WDR19: variants seen among roughly 807,000 people sequenced by gnomAD.
WDR19 encodes the protein WD repeat-containing protein 19.
Under a neutral mutation model 180.0 loss-of-function variants are expected in WDR19, and 121 were observed. The ratio of observed to expected loss-of-function variants is 0.67; its 90% CI spans 0.58 to 0.78. WDR19 has a LOEUF of 0.78. WDR19 is among the 30% of genes least tolerant of loss of function. WDR19 has a pLI of 0.00. For missense variants in WDR19, 1,450 were observed against 1,640.7 expected (o/e 0.88, Z 2.01); for synonymous variants, 497 against 540.7 (o/e 0.92, Z 1.12).
chr4:39,236,686 G>A (rs957449446), intron 20 of WDR19, among the ~76,000 whole-genome samples: 25 of 152,202 alleles, frequency 1.6e-4, no homozygotes, highest in African/African-American at 6.0e-4. Context: ...GACAATTGCT[G>A]TTGCAATTCA....
chr4:39,188,907 G>T (rs112813839), intron 3 of WDR19, among the ~76,000 whole-genome samples: 1 of 151,432 alleles, frequency 6.6e-6, no homozygotes, highest in African/African-American at 2.4e-5. Context: ...ATGCCACCAC[G>T]CCCAGCTCAT....
chr4:39,254,826 T>C (rs1426503972), intron 26 of WDR19, among the ~76,000 whole-genome samples: 1 of 152,196 alleles, frequency 6.6e-6, no homozygotes, highest in Non-Finnish European at 1.5e-5. Flanking sequence ...TTTTACTTTC[T>C]GTATCTGTGA....
At chr4:39,211,979 G>GAT (rs1469470138) in intron 9 of WDR19, among the ~76,000 whole-genome samples, 5 of 94,200 alleles carry the variant, frequency 5.3e-5, no homozygotes, top group African/African-American at 1.4e-4. Flanking sequence ...GAGAGAGAGA[G>GAT]AGAGAGATAG....
At chr4:39,275,136 T>G (rs185919523) in intron 33 of WDR19, 178 bp downstream of exon 33, 15 of 766,498 alleles carry the variant, frequency 2.0e-5, no homozygotes, top group Non-Finnish European at 2.8e-5. Context: ...GGTCAGTAGT[T>G]CAAGACCAGC....
chr4:39,207,733 A>G (rs983690418), intron 9 of WDR19, among the ~76,000 whole-genome samples: 5 of 152,342 alleles, frequency 3.3e-5, no homozygotes, highest in Admixed American at 2.0e-4. Context: ...CTCTAAAAGA[A>G]CTGCTGAAGG....
intron 17 of WDR19, among the ~76,000 whole-genome samples, chr4:39,230,203 C>T (rs1730693972): frequency 6.6e-6 from 1 of 152,192 alleles, no homozygotes. Flanking sequence ...CAACTGTCTC[C>T]ACTCAAGTCC....
intron 24 of WDR19, among the ~76,000 whole-genome samples, chr4:39,252,301 T>C (rs1733296178): frequency 7.4e-6 from 1 of 135,024 alleles, no homozygotes; most frequent in Non-Finnish European, 1.5e-5. Context: ...AGGTGGGAGT[T>C]GAACAATGAG....
chr4:39,225,327 A>C (rs1392932883), intron 15 of WDR19, among the ~76,000 whole-genome samples: 1 of 152,184 alleles, frequency 6.6e-6, no homozygotes, highest in Admixed American at 6.5e-5. Flanking sequence ...CAATACAATA[A>C]TTATAGTGTA....
Position 39,203,711 on chromosome 4 carries a change from G to A in WDR19, c.592G>A (p.Ala198Thr), listed in dbSNP as rs575149055. The A allele has an allele frequency of 1.1e-5, 17 of 1,611,222 alleles. No individual in the cohort carries two copies. The highest frequency in any genetic ancestry group is 1.4e-5 in the Non-Finnish European group (17 of 1,178,676). Residue 198 changes from alanine (A) to threonine (T), a missense_variant, in exon 7 of 37, where the codon GCT (alanine) becomes ACT (threonine). Transcript: ENST00000399820. The stretch of plus-strand genomic sequence containing the variant: ...GAAGATGGATGACCGAACCTCTGCT[G>A]CTGAAAGCATGGTAAGAATTCTAAT... ...LMKMDDRTSAAESMISVVLGK... is the reference protein window; with the variant it reads ...LMKMDDRTSATESMISVVLGK...
At chr4:39,231,484 T>C (rs948155584) in intron 17 of WDR19, among the ~76,000 whole-genome samples, 4 of 152,184 alleles carry the variant, frequency 2.6e-5, no homozygotes, top group African/African-American at 4.8e-5. Context: ...ATTAGACTTA[T>C]ATGAGAACAA....
In WDR19 at chr4:39,185,807, G is replaced by T. The variant is rs776967770; in HGVS notation, c.88G>T (p.Ala30Ser). The T allele has an allele frequency of 6.4e-7, 1 of 1,551,876 alleles. No individual in the cohort carries two copies. The change falls in exon 2 of 37, where the codon GCA becomes TCA. Residue 30 changes from alanine (A) to serine (S), a missense_variant. Physicochemically the swap from Ala to Ser is moderately conservative, Grantham distance 99. Transcript: ENST00000399820. ...AWQKTSGNYL[A>S]VTGADYIVKI... The stretch of plus-strand genomic sequence containing the variant: ...GCAAAAAACATCAGGAAACTACCTT[G>T]CAGTAACAGGGTAAGAAACCAATGA...
At position 39,240,285 on chromosome 4, in the gene WDR19, A is replaced by T. The variant is rs1731796722; in HGVS notation, c.2372A>T (p.Tyr791Phe). The change falls in exon 21 of 37, where the codon TAT becomes TTT. Residue 791 changes from tyrosine to phenylalanine, a missense_variant. Tyr to Phe is a conservative substitution (Grantham distance 22). Transcript: ENST00000399820. The stretch of plus-strand genomic sequence containing the variant: ...TCTTATTTTTTTTTCAGGGGTGATT[A>T]TGTAAATGCTTTGGCTCATTATGAG... ...YAIQLEFAGDYVNALAHYEKG... is the reference protein window; with the variant it reads ...YAIQLEFAGDFVNALAHYEKG... 7.3e-7 allele frequency: 1 copy of T among 1,375,032 alleles called. No homozygotes were observed. Among genetic ancestry groups the T allele is most frequent in the Non-Finnish European group, 9.5e-7 (1 of 1,056,002 alleles). 85.2% of individuals were successfully genotyped at this position (1,375,032 alleles called of 1,614,324 possible). A position where few individuals can be genotyped will look rare whatever the true frequency, so the allele number is the denominator to read the frequency against.
At chr4:39,225,084 A>G (rs868172370) in intron 15 of WDR19, 51 bp downstream of exon 15, 33 of 1,404,630 alleles carry the variant, frequency 2.3e-5, no homozygotes, top group South Asian at 1.3e-4. Flanking sequence ...CAATATAGGG[A>G]AAAAAAGTGT....
At chr4:39,249,538 A>T (rs1358362435) in intron 24 of WDR19, among the ~76,000 whole-genome samples, 1 of 152,230 alleles carries the variant, frequency 6.6e-6, no homozygotes, top group East Asian at 1.9e-4. Flanking sequence ...ACCCTTCAAA[A>T]AATCAATGAA....
intron 9 of WDR19, among the ~76,000 whole-genome samples, 172 bp from the exon 10 acceptor site, chr4:39,214,429 T>TA (rs1287421536): frequency 6.6e-6 from 1 of 152,112 alleles, no homozygotes; most frequent in African/African-American, 2.4e-5. Flanking sequence ...AGTTTAAAGA[T>TA]AAAATATAAT....
At chr4:39,257,713 T>G (rs1057028517) in intron 28 of WDR19, among the ~76,000 whole-genome samples, 159 bp downstream of exon 28, 1 of 151,942 alleles carries the variant, frequency 6.6e-6, no homozygotes, top group Non-Finnish European at 1.5e-5. Context: ...ACAGCCTCAT[T>G]TTTTTCATAC....
intron 24 of WDR19, among the ~76,000 whole-genome samples, chr4:39,250,058 A>G (rs899744875): frequency 5.3e-5 from 8 of 152,180 alleles, no homozygotes; most frequent in African/African-American, 1.4e-4. Context: ...AGAATTTTAG[A>G]CCAATATCCT....
intron 36 of WDR19, among the ~76,000 whole-genome samples, chr4:39,284,461 T>C (rs1464358984): frequency 1.3e-5 from 2 of 150,096 alleles, no homozygotes; most frequent in Non-Finnish European, 3.0e-5. Context: ...GCCTCAGCCT[T>C]GCAAGTAGCT....
intron 1 of WDR19, 76 bp from the exon 2 acceptor site, chr4:39,185,650 C>A: frequency 7.4e-7 from 1 of 1,344,114 alleles, no homozygotes; most frequent in Non-Finnish European, 1.0e-6. Context: ...GTTTTCATGA[C>A]CATGTTTTGA....
Sources: gnomAD v4.1 joint callset for allele counts (sites outside exome capture counted in the v4.1 genomes callset) on GRCh38, gnomAD v4.1.1 for gene constraint, MANE v1.5 for transcripts, NCBI Gene and HGNC (gene_info 2026-07-23, HGNC 2026-07-21) for gene names.